Variants in TOGARAM2 observed in about 807,000 individuals in gnomAD.
TOGARAM2 encodes TOG array regulator of axonemal microtubules protein 2.
A neutral mutation model predicts 93.3 loss-of-function variants in TOGARAM2; 85 were observed. That is an observed-to-expected ratio of 0.91 (90% CI 0.76 to 1.09). TOGARAM2 has a LOEUF of 1.09. Among genes scored for constraint, TOGARAM2 ranks in the 50% least tolerant of loss-of-function variants. The pLI is 0.00. For missense variants in TOGARAM2, 1,277 were observed against 1,334.5 expected (o/e 0.96, Z 0.67); for synonymous variants, 593 against 552.8 (o/e 1.07, Z -1.02).
At chr2:28,986,493 G>A (rs1003932337) in intron 1 of TOGARAM2, among the ~76,000 whole-genome samples, 19 of 152,178 alleles carry the variant, frequency 1.2e-4, no homozygotes, top group African/African-American at 4.3e-4. Context: ...TGTCCTGGGA[G>A]GTCATTAGAT....
At chr2:28,959,899 C>G (rs984120513) in intron 1 of TOGARAM2, among the ~76,000 whole-genome samples, 1 of 152,204 alleles carries the variant, frequency 6.6e-6, no homozygotes, top group East Asian at 1.9e-4. Context: ...AAAGAGTGCA[C>G]TGACATAAAC....
intron 2 of TOGARAM2, among the ~76,000 whole-genome samples, chr2:28,997,891 G>C (rs765298384): frequency 6.6e-5 from 10 of 152,158 alleles, no homozygotes; most frequent in Admixed American, 3.9e-4. Flanking sequence ...GCCAGGATGC[G>C]AGGAGGGAGG....
chr2:29,003,773 C>A (rs1673459106), intron 6 of TOGARAM2, 91 bp downstream of exon 6: 1 of 1,216,174 alleles, frequency 8.2e-7, no homozygotes, highest in Non-Finnish European at 1.1e-6. Context: ...ACCCTCCATG[C>A]TGTGGCAGAG....
At chr2:28,981,039 CA>C (rs1423061648), upstream of TOGARAM2, among the ~76,000 whole-genome samples, 1 of 152,192 alleles carries the variant, frequency 6.6e-6, no homozygotes, top group African/African-American at 2.4e-5. Context: ...GCCATGTGAG[CA>C]AAACCAGGAG....
At chr2:29,004,575 A>G (rs1673509388) in intron 6 of TOGARAM2, among the ~76,000 whole-genome samples, 2 of 152,082 alleles carry the variant, frequency 1.3e-5, no homozygotes, top group Admixed American at 1.3e-4. Flanking sequence ...TGTGAGAGTG[A>G]GTGTGTCTGA....
chr2:29,022,125 G>T, intron 10 of TOGARAM2, 33 bp from the exon 11 acceptor site: 10 of 1,613,480 alleles, frequency 6.2e-6, no homozygotes, highest in Non-Finnish European at 8.5e-6. Flanking sequence ...GTCCTGCTGC[G>T]TGAAGCCTGC....
intron 18 of TOGARAM2, among the ~76,000 whole-genome samples, chr2:29,037,700 C>A (rs929320621): frequency 6.6e-6 from 1 of 152,156 alleles, no homozygotes; most frequent in Non-Finnish European, 1.5e-5. Flanking sequence ...CTGGTCAGGT[C>A]CCTCTCTGCC....
At chr2:29,021,485 C>T (rs186523911) in intron 10 of TOGARAM2, among the ~76,000 whole-genome samples, 28 of 152,302 alleles carry the variant, frequency 1.8e-4, no homozygotes, top group African/African-American at 6.5e-4. Flanking sequence ...TAGACAGAGG[C>T]CCTGTAAGAC....
rs531721832 is a variant in TOGARAM2, at chr2:28,990,543, G to T, written c.-110-4182G>T. 3.9e-5 allele frequency among the ~76,000 whole-genome samples: 6 copies of T among 152,310 alleles called. No individual in the cohort carries two copies. The East Asian group carries it at 1.2e-3, about 29-fold the overall frequency. On this transcript the variant is annotated intron_variant, in intron 1 of 19. Coordinates refer to ENST00000379558, the MANE Select transcript of TOGARAM2 (RefSeq NM_199280.4). ...ATCTCCTCCACGCTTGCCTTAGGCCGCCTCCTCGGCCTGGAATGCCATTCC... is the reference window on the plus strand; with the variant it reads ...ATCTCCTCCACGCTTGCCTTAGGCCTCCTCCTCGGCCTGGAATGCCATTCC...
chr2:29,010,864 G>A (rs1664202141), intron 6 of TOGARAM2, among the ~76,000 whole-genome samples: 1 of 152,166 alleles, frequency 6.6e-6, no homozygotes, highest in African/African-American at 2.4e-5. Flanking sequence ...ATTAAAACCA[G>A]TGCCAGGGAT....
chr2:29,038,510 T>C (rs527606370), intron 18 of TOGARAM2, among the ~76,000 whole-genome samples: 1 of 152,316 alleles, frequency 6.6e-6, no homozygotes, highest in East Asian at 1.9e-4. Context: ...ATTTTTGCTG[T>C]TGTTACCCAG....
intron 1 of TOGARAM2, chr2:28,970,910 G>A (rs753383095): frequency 6.6e-5 from 10 of 152,232 alleles, no homozygotes; most frequent in African/African-American, 4.8e-5. Flanking sequence ...ATCAAACAGA[G>A]CCAGTGCCCA....
chr2:28,962,734 TC>T (rs1025088240), intron 1 of TOGARAM2, among the ~76,000 whole-genome samples: 2 of 149,716 alleles, frequency 1.3e-5, no homozygotes, highest in African/African-American at 4.9e-5. Flanking sequence ...CCTCTCTGTC[TC>T]CCTTTCCCTT....
chr2:29,013,355 T>C (rs1454182423), intron 7 of TOGARAM2, among the ~76,000 whole-genome samples: 2 of 152,158 alleles, frequency 1.3e-5, no homozygotes, highest in Non-Finnish European at 2.9e-5. Flanking sequence ...GTAGGATATA[T>C]GTCTGTATAT....
At chr2:28,976,026 T>C (rs982054795) in intron 1 of TOGARAM2, among the ~76,000 whole-genome samples, 1 of 152,220 alleles carries the variant, frequency 6.6e-6, no homozygotes, top group Admixed American at 6.5e-5. Flanking sequence ...AGTGGAAGTT[T>C]AGGAGCATTT....
intron 4 of TOGARAM2, among the ~76,000 whole-genome samples, chr2:28,999,741 T>G (rs1441959980): frequency 6.6e-6 from 1 of 152,226 alleles, no homozygotes. Context: ...TTTAAGCAAA[T>G]GTTCTTCCCA....
chr2:28,980,884 A>G (rs1055943972), upstream of TOGARAM2, among the ~76,000 whole-genome samples: 9 of 152,192 alleles, frequency 5.9e-5, no homozygotes, highest in African/African-American at 2.2e-4. Context: ...GAGGTCAAGA[A>G]AGGTAAAGTT....
intron 1 of TOGARAM2, among the ~76,000 whole-genome samples, chr2:28,961,759 A>G (rs1028994990): frequency 6.6e-6 from 1 of 152,236 alleles, no homozygotes; most frequent in Non-Finnish European, 1.5e-5. Flanking sequence ...CTGTTATCCC[A>G]AAGATTCCCT....
chr2:29,032,799 G>A, intron 14 of TOGARAM2, 135 bp from the exon 15 acceptor site: 1 of 651,800 alleles, frequency 1.5e-6, no homozygotes, highest in Non-Finnish European at 2.6e-6. Flanking sequence ...TTTTTTAACT[G>A]GGTAGGGATT....
Sources: allele counts gnomAD v4.1 joint callset (sites outside exome capture counted in the v4.1 genomes callset), GRCh38; gene constraint gnomAD v4.1.1; transcripts MANE v1.5; gene names NCBI Gene and HGNC (gene_info 2026-07-23, HGNC 2026-07-21).